The following DEFB124 variants were observed in gnomAD, a reference collection of about 807,000 sequenced individuals.
DEFB124 encodes the protein defensin beta 124, also known as beta-defensin 124.
For missense variants in DEFB124, 78 were observed against 83.1 expected (o/e 0.94, Z 0.24); for synonymous variants, 38 against 36.5 (o/e 1.04, Z -0.15).
At chr20:31,468,982 A>C (rs1206530719) in intron 2 of DEFB124, among the ~76,000 whole-genome samples, 4 of 152,076 alleles carry the variant, frequency 2.6e-5, no homozygotes, top group Non-Finnish European at 5.9e-5. Context: ...ATCCTTTAAA[A>C]ACTCATGCTG....
intron 2 of DEFB124, among the ~76,000 whole-genome samples, chr20:31,470,203 G>T (rs1407329631): frequency 6.8e-6 from 1 of 146,300 alleles, no homozygotes; most frequent in African/African-American, 2.6e-5. Context: ...CCGGGCGGGG[G>T]GCTGACCCCC....
chr20:31,469,346 C>G (rs1303799316), intron 2 of DEFB124, among the ~76,000 whole-genome samples: 2 of 152,170 alleles, frequency 1.3e-5, no homozygotes, highest in Non-Finnish European at 2.9e-5. Context: ...TCGCTTGAAC[C>G]CGGGAGGCAG....
intron 2 of DEFB124, among the ~76,000 whole-genome samples, chr20:31,470,373 G>A (rs1427107771): frequency 6.9e-6 from 1 of 144,698 alleles, no homozygotes; most frequent in Non-Finnish European, 1.5e-5. Context: ...GGCTGGCCGG[G>A]CGGGGGGCTG....
chr20:31,472,340 C>T (rs1440940422), intron 2 of DEFB124, among the ~76,000 whole-genome samples: 2 of 151,266 alleles, frequency 1.3e-5, no homozygotes, highest in Admixed American at 1.3e-4. Flanking sequence ...TGCAGTGAGC[C>T]GAGATGGCAG....
intron 2 of DEFB124, among the ~76,000 whole-genome samples, chr20:31,467,257 A>G (rs889912891): frequency 6.6e-6 from 1 of 152,234 alleles, no homozygotes; most frequent in Non-Finnish European, 1.5e-5. Context: ...TGCCTTAGGC[A>G]TATCCACAGG....
intron 2 of DEFB124, among the ~76,000 whole-genome samples, chr20:31,471,256 C>T (rs1203253579): frequency 7.6e-6 from 1 of 132,144 alleles, no homozygotes; most frequent in African/African-American, 2.9e-5. Flanking sequence ...CCAGTAGGGG[C>T]GGCTGGGCAG....
intron 2 of DEFB124, among the ~76,000 whole-genome samples, chr20:31,469,459 AT>A (rs1391725249): frequency 6.6e-6 from 1 of 150,484 alleles, no homozygotes; most frequent in African/African-American, 2.5e-5. Context: ...TTTAATTTTT[AT>A]TTTTTTTATT....
Position 31,474,990 on chromosome 20 carries a change from G to T in DEFB124, c.-389C>A, listed in dbSNP as rs1980438004. 6.6e-6 allele frequency among the ~76,000 whole-genome samples: 1 copy of T among 152,190 alleles called. No homozygotes were observed. Among genetic ancestry groups the T allele is most frequent in the Non-Finnish European group, 1.5e-5 (1 of 68,028 alleles). On this transcript the variant is annotated 5_prime_UTR_variant, in exon 1 of 3. Coordinates refer to ENST00000317676, the MANE Select transcript of DEFB124 (RefSeq NM_001037500.2). ...CAAGTTCCCCAAGTGGTTTTTCTGG[G>T]GGCTAATATGTTAGTGCATCCCCTT... is the stretch of plus-strand genomic sequence containing the variant.
chr20:31,468,569 G>A (rs1980140748), intron 2 of DEFB124, among the ~76,000 whole-genome samples: 1 of 151,544 alleles, frequency 6.6e-6, no homozygotes, highest in African/African-American at 2.4e-5. Context: ...TCCGCCTCCC[G>A]GGTTCAACTG....
intron 2 of DEFB124, among the ~76,000 whole-genome samples, chr20:31,470,293 G>A (rs1406661137): frequency 7.3e-5 from 10 of 137,118 alleles, no homozygotes; most frequent in African/African-American, 1.4e-4. Flanking sequence ...GCGGCTGGCC[G>A]GGCAGAGGGG....
chr20:31,466,622 T>TATATATATATATAA (rs1555833602), intron 2 of DEFB124, among the ~76,000 whole-genome samples: 2 of 148,586 alleles, frequency 1.3e-5, no homozygotes, highest in African/African-American at 2.5e-5. Flanking sequence ...TATATATATA[T>TATATATATATATAA]AAAACCTTAT....
intron 2 of DEFB124, among the ~76,000 whole-genome samples, chr20:31,471,031 G>A (rs1980269316): frequency 7.4e-6 from 1 of 135,838 alleles, no homozygotes; most frequent in African/African-American, 2.7e-5. Context: ...CCTCCCGGAC[G>A]GGGCGGCTGG....
chr20:31,472,049 G>C (rs1980335043), intron 2 of DEFB124, among the ~76,000 whole-genome samples: 1 of 152,152 alleles, frequency 6.6e-6, no homozygotes, highest in South Asian at 2.1e-4. Flanking sequence ...GGCCAAGGCA[G>C]GCGGCTGGGA....
chr20:31,473,519 G>A (rs1373307062), intron 1 of DEFB124, among the ~76,000 whole-genome samples: 1 of 152,154 alleles, frequency 6.6e-6, no homozygotes, highest in Non-Finnish European at 1.5e-5. Flanking sequence ...CCATGTCATA[G>A]AGAGTAATAG....
chr20:31,473,098 G>T, intron 1 of DEFB124, 60 bp from the exon 2 acceptor site: 1 of 1,460,840 alleles, frequency 6.8e-7, no homozygotes, highest in Non-Finnish European at 9.4e-7. Context: ...TCCAGCCCAG[G>T]CTTTATTGAG....
At chr20:31,471,572 G>A (rs1363379167) in intron 2 of DEFB124, among the ~76,000 whole-genome samples, 2 of 149,882 alleles carry the variant, frequency 1.3e-5, no homozygotes, top group African/African-American at 2.5e-5. Flanking sequence ...CGGACGGGGC[G>A]GCTGCCGGGC....
At chr20:31,465,911 C>T (rs1980071191) in intron 2 of DEFB124, among the ~76,000 whole-genome samples, 1 of 152,228 alleles carries the variant, frequency 6.6e-6, no homozygotes, top group African/African-American at 2.4e-5. Flanking sequence ...AATCCCAGCA[C>T]TTTGGGAGGC....
intron 2 of DEFB124, among the ~76,000 whole-genome samples, chr20:31,469,154 G>A (rs1980158796): frequency 6.6e-6 from 1 of 152,176 alleles, no homozygotes; most frequent in Non-Finnish European, 1.5e-5. Flanking sequence ...CGGGCATGGT[G>A]GCTCATGTCT....
intron 1 of DEFB124, among the ~76,000 whole-genome samples, chr20:31,473,619 T>C (rs193136385): frequency 6.6e-6 from 1 of 152,266 alleles, no homozygotes; most frequent in East Asian, 1.9e-4. Context: ...ACCTGGGACT[T>C]GTTAGAAACA....
Sources: gnomAD v4.1 joint callset for allele counts (sites outside exome capture counted in the v4.1 genomes callset) on GRCh38, gnomAD v4.1.1 for gene constraint, MANE v1.5 for transcripts, NCBI Gene and HGNC (gene_info 2026-07-23, HGNC 2026-07-21) for gene names.